Variants in MDGA2 observed in about 807,000 individuals in gnomAD.
MDGA2 encodes the protein MAM domain containing glycosylphosphatidylinositol anchor 2, also known as MAM domain-containing glycosylphosphatidylinositol anchor protein 2.
MDGA2 carries 40 observed loss-of-function variants against 117.8 expected under a neutral mutation model. The observed-to-expected ratio is 0.34, with a 90% CI of 0.26 to 0.44. The LOEUF (loss-of-function observed/expected upper bound fraction) is 0.44. Ranked by LOEUF, MDGA2 falls within the 20% of genes least tolerant of loss-of-function variation. The probability of loss-of-function intolerance (pLI) is 1.00; values close to 1 mark genes in which losing one functional copy is unlikely to be tolerated. For synonymous variants in MDGA2, 452 were observed against 439.0 expected (o/e 1.03, Z -0.37); for missense variants, 1,123 against 1,250.6 (o/e 0.90, Z 1.54).
chr14:47,022,500 A>G (rs1033075108), intron 8 of MDGA2, among the ~76,000 whole-genome samples: 1 of 152,222 alleles, frequency 6.6e-6, no homozygotes, highest in Non-Finnish European at 1.5e-5. Context: ...CATGAAGGAA[A>G]GAGTTTATAA....
chr14:47,120,062 A>G (rs1881567509), intron 5 of MDGA2, among the ~76,000 whole-genome samples: 1 of 152,210 alleles, frequency 6.6e-6, no homozygotes, highest in African/African-American at 2.4e-5. Flanking sequence ...AAAAGACACT[A>G]CACTACCCAG....
chr14:47,312,909 A>C (rs1594789242), intron 1 of MDGA2, among the ~76,000 whole-genome samples: 1 of 129,086 alleles, frequency 7.7e-6, no homozygotes, highest in South Asian at 2.4e-4. Flanking sequence ...AAGATTTTTA[A>C]ATTTAATTAT....
rs75639388 is a variant in MDGA2 at position 47,102,289 on chromosome 14, CTT to C, written c.926-5168_926-5167del. Among the ~76,000 whole-genome samples the C allele has an allele frequency of 3.4e-3, 498 of 146,556 alleles. 2 individuals carry two copies. The highest frequency in any genetic ancestry group is 3.3e-3 in the Non-Finnish European group (222 of 66,534). ...GAGATATTCTAATTTAAGCTCAAGACTTTTTTTTTTTTGAATGGAAATAATCT... is the reference window on the plus strand; with the variant it reads ...GAGATATTCTAATTTAAGCTCAAGACTTTTTTTTTTGAATGGAAATAATCT... On this transcript the variant is annotated intron_variant, in intron 5 of 16. Transcript: ENST00000399232.
intron 16 of MDGA2, 124 bp downstream of exon 16, chr14:46,845,642 A>C: frequency 1.7e-6 from 1 of 582,522 alleles, no homozygotes; most frequent in Non-Finnish European, 3.0e-6. Flanking sequence ...TATTACATAT[A>C]AGAAATTTCT....
At chr14:47,554,733 T>C (rs1265215954) in intron 1 of MDGA2, among the ~76,000 whole-genome samples, 1 of 152,188 alleles carries the variant, frequency 6.6e-6, no homozygotes, top group Non-Finnish European at 1.5e-5. Flanking sequence ...CTCTAAACTT[T>C]GGTTACATTC....
intron 5 of MDGA2, among the ~76,000 whole-genome samples, chr14:47,107,546 C>T (rs111629268): frequency 0.11 from 15,977 of 150,674 alleles, 716 homozygotes; most frequent in Admixed American, 0.11. Flanking sequence ...GCTGTACTGC[C>T]GCAAAGCTTC....
At chr14:47,014,349 A>G (rs1287090946) in intron 8 of MDGA2, among the ~76,000 whole-genome samples, 1 of 152,210 alleles carries the variant, frequency 6.6e-6, no homozygotes, top group African/African-American at 2.4e-5. Flanking sequence ...CACCAGCTAC[A>G]TTAGCCCCTA....
chr14:46,888,241 C>T (rs989422479), intron 10 of MDGA2, among the ~76,000 whole-genome samples: 7 of 151,810 alleles, frequency 4.6e-5, no homozygotes, highest in Non-Finnish European at 7.4e-5. Flanking sequence ...AAACTAAATG[C>T]AATGTTTGCA....
intron 3 of MDGA2, among the ~76,000 whole-genome samples, chr14:47,167,197 T>C (rs1883920084): frequency 6.6e-6 from 1 of 152,186 alleles, no homozygotes. Context: ...AGACTATTAT[T>C]GCTGAAGTTG....
At chr14:47,657,676 T>C (rs947274076) in intron 1 of MDGA2, among the ~76,000 whole-genome samples, 11 of 152,196 alleles carry the variant, frequency 7.2e-5, no homozygotes, top group Admixed American at 6.5e-5. Context: ...GAATATGTGA[T>C]ATACCTAAAA....
intron 1 of MDGA2, among the ~76,000 whole-genome samples, chr14:47,370,468 G>GTCTTTTTTTT (rs1891322901): frequency 9.7e-5 from 2 of 20,680 alleles, no homozygotes; most frequent in East Asian, 2.5e-3. Flanking sequence ...TCTACTTACT[G>GTCTTTTTTTT]TTTTTTTTTT....
chr14:47,296,213 C>G (rs1172295121), intron 2 of MDGA2, among the ~76,000 whole-genome samples: 7 of 151,590 alleles, frequency 4.6e-5, no homozygotes, highest in Non-Finnish European at 1.0e-4. Context: ...ATTAAATTGT[C>G]AAATACATAA....
At chr14:46,960,738 GTA>G (rs762874355) in intron 8 of MDGA2, among the ~76,000 whole-genome samples, 15 of 149,800 alleles carry the variant, frequency 1.0e-4, no homozygotes, top group African/African-American at 2.0e-4. Context: ...CATTTTATAT[GTA>G]TATGTGTATA....
intron 2 of MDGA2, among the ~76,000 whole-genome samples, chr14:47,222,775 A>G (rs971468411): frequency 1.3e-5 from 2 of 152,224 alleles, no homozygotes; most frequent in African/African-American, 2.4e-5. Flanking sequence ...CTATAAATAA[A>G]TTATCAAAAG....
chr14:47,251,606 A>G (rs1372020326), intron 2 of MDGA2, among the ~76,000 whole-genome samples: 1 of 152,224 alleles, frequency 6.6e-6, no homozygotes, highest in Non-Finnish European at 1.5e-5. Flanking sequence ...TGTTACTGTC[A>G]TTAAAAGTAC....
intron 3 of MDGA2, among the ~76,000 whole-genome samples, chr14:47,149,999 A>G (rs556215329): frequency 2.1e-4 from 32 of 152,296 alleles, no homozygotes; most frequent in African/African-American, 7.5e-4. Context: ...GAGCCAAGTA[A>G]TGTCATCTAT....
At chr14:47,625,368 T>C (rs998997592) in intron 1 of MDGA2, among the ~76,000 whole-genome samples, 5 of 152,298 alleles carry the variant, frequency 3.3e-5, no homozygotes, top group African/African-American at 1.2e-4. Context: ...AAAATATTTA[T>C]ATAACAATGT....
Position 47,139,881 on chromosome 14 carries a change from CACAT to C in MDGA2, c.792+4193_792+4196del, listed in dbSNP as rs1196245701. 9.9e-4 allele frequency among the ~76,000 whole-genome samples: 140 copies of C among 141,932 alleles called. 1 individual carries two copies. Among genetic ancestry groups the C allele is most frequent in the African/African-American group, 3.0e-3 (112 of 37,834 alleles). The allele number at this position is 141,932 out of a possible 152,430, so 93.1% of individuals were successfully genotyped here. On this transcript the variant is annotated intron_variant, in intron 4 of 16. Transcript: ENST00000399232. ...ACACATATATATATATACACACACACACATATATATATATATATATACACATATG... is the reference window on the plus strand; with the variant it reads ...ACACATATATATATATACACACACACATATATATATATATATACACATATG...
Position 47,133,494 on chromosome 14 carries a change from A to G in MDGA2, c.793-1648T>C, listed in dbSNP as rs141616404. Among the ~76,000 whole-genome samples, 116 of 152,028 alleles carry G rather than the reference A, an allele frequency of 7.6e-4. 1 individual carries two copies. The highest frequency in any genetic ancestry group is 2.7e-3 in the African/African-American group (112 of 41,528). ...TATTCCTTGGAATTCTACTTGTTCCATAGTTAACCTCACTTTATAACATTT... is the reference window on the plus strand; with the variant it reads ...TATTCCTTGGAATTCTACTTGTTCCGTAGTTAACCTCACTTTATAACATTT... On this transcript the variant is annotated intron_variant, in intron 4 of 16. Transcript: ENST00000399232.
Sources: allele counts gnomAD v4.1 joint callset (sites outside exome capture counted in the v4.1 genomes callset), GRCh38; gene constraint gnomAD v4.1.1; transcripts MANE v1.5; gene names NCBI Gene and HGNC (gene_info 2026-07-23, HGNC 2026-07-21).